Variants in GFOD1 observed in about 807,000 individuals in gnomAD.
GFOD1 encodes glucose-fructose oxidoreductase domain-containing protein 1.
GFOD1 carries 9 observed loss-of-function variants against 25.4 expected under a neutral mutation model. That is an observed-to-expected ratio of 0.35 (90% CI 0.21 to 0.62). The LOEUF is 0.62. Ranked by LOEUF, GFOD1 falls within the 20% of genes least tolerant of loss-of-function variation. The probability of loss-of-function intolerance (pLI) is 0.72; values close to 1 mark genes in which losing one functional copy is unlikely to be tolerated. For synonymous variants in GFOD1, 253 were observed against 245.6 expected, an observed-to-expected ratio of 1.03 and a Z score of -0.28; for missense variants, 403 against 556.9, an observed-to-expected ratio of 0.72 and a Z score of 2.78.
At chr6:13,462,882 G>A (rs1449675106) in intron 1 of GFOD1, among the ~76,000 whole-genome samples, 2 of 152,202 alleles carry the variant, frequency 1.3e-5, no homozygotes, top group East Asian at 3.9e-4. Flanking sequence ...TCGGCTGAGA[G>A]AGTTCTTATC....
At chr6:13,440,097 G>A (rs1205293777) in intron 1 of GFOD1, among the ~76,000 whole-genome samples, 3 of 152,162 alleles carry the variant, frequency 2.0e-5, no homozygotes, top group East Asian at 3.8e-4. Context: ...AATTGTTATA[G>A]GATATCCAAG....
At chr6:13,377,759 G>A (rs1257195316) in intron 1 of GFOD1, among the ~76,000 whole-genome samples, 1 of 152,100 alleles carries the variant, frequency 6.6e-6, no homozygotes, top group Non-Finnish European at 1.5e-5. Flanking sequence ...TGTGTCACCT[G>A]CCTGCAAGCT....
chr6:13,447,101 G>C (rs902789284), intron 1 of GFOD1, among the ~76,000 whole-genome samples: 3 of 150,698 alleles, frequency 2.0e-5, no homozygotes, highest in Admixed American at 1.3e-4. Flanking sequence ...AGTGTCCTAG[G>C]ACTGCTGTAA....
rs1784987042 is a variant in GFOD1 at position 13,363,783 on chromosome 6, T to G, written c.*960A>C. Reference sequence around the variant, plus strand: ...TGAGGCACACAGCTCTCCCCAGTCTTTGGGGGCAGCATATGAGCTTATGGC... The same window carrying G: ...TGAGGCACACAGCTCTCCCCAGTCTGTGGGGGCAGCATATGAGCTTATGGC... On this transcript the variant is annotated 3_prime_UTR_variant, in exon 2 of 2. Coordinates refer to ENST00000379287, the MANE Select transcript of GFOD1 (RefSeq NM_018988.4). 6.6e-6 allele frequency: 1 copy of G among 152,202 alleles called. No homozygotes were observed. The highest frequency in any genetic ancestry group is 2.1e-4 in the South Asian group (1 of 4,812). 9.4% of individuals were successfully genotyped at this position (152,202 alleles called of 1,614,324 possible).
intron 1 of GFOD1, among the ~76,000 whole-genome samples, chr6:13,457,604 C>T (rs1168680480): frequency 3.3e-5 from 5 of 152,222 alleles, no homozygotes; most frequent in African/African-American, 2.4e-5. Context: ...TGTGCCAGAG[C>T]ATGACTGATT....
chr6:13,375,478 G>A (rs999632275), intron 1 of GFOD1, among the ~76,000 whole-genome samples: 2 of 152,146 alleles, frequency 1.3e-5, no homozygotes, highest in East Asian at 1.9e-4. Context: ...AGGGCAATTT[G>A]ATTAAGTTTC....
chr6:13,409,910 G>A (rs1310155317), intron 1 of GFOD1, among the ~76,000 whole-genome samples: 3 of 137,184 alleles, frequency 2.2e-5, no homozygotes, highest in East Asian at 2.1e-4. Context: ...GCGACAGAGC[G>A]GGGCTCCATT....
chr6:13,419,102 G>A (rs1174012208), intron 1 of GFOD1, among the ~76,000 whole-genome samples: 1 of 152,190 alleles, frequency 6.6e-6, no homozygotes, highest in Non-Finnish European at 1.5e-5. Flanking sequence ...GAAGCAGATG[G>A]TTCTTGCTGA....
chr6:13,412,099 G>A (rs892869327), intron 1 of GFOD1, among the ~76,000 whole-genome samples: 5 of 152,244 alleles, frequency 3.3e-5, no homozygotes, highest in African/African-American at 1.2e-4. Flanking sequence ...TATTAGCTAT[G>A]AGGGTTAGAC....
At chr6:13,477,108 C>T (rs1158368998) in intron 1 of GFOD1, among the ~76,000 whole-genome samples, 4 of 152,050 alleles carry the variant, frequency 2.6e-5, no homozygotes, top group Non-Finnish European at 4.4e-5. Context: ...GTTTCTCCAC[C>T]GACGCGTCTT....
chr6:13,411,291 ATTTTC>A (rs1786073268), intron 1 of GFOD1, among the ~76,000 whole-genome samples: 1 of 151,726 alleles, frequency 6.6e-6, no homozygotes, highest in South Asian at 2.1e-4. Flanking sequence ...TCGGCTGTCT[ATTTTC>A]TTTTCTTTTT....
At chr6:13,446,881 C>A (rs1758011694) in intron 1 of GFOD1, among the ~76,000 whole-genome samples, 2 of 152,244 alleles carry the variant, frequency 1.3e-5, no homozygotes, top group Admixed American at 1.3e-4. Context: ...AGTCATTTCT[C>A]TGCCCATCTT....
chr6:13,463,135 G>A (rs1283610031), intron 1 of GFOD1, among the ~76,000 whole-genome samples: 1 of 152,176 alleles, frequency 6.6e-6, no homozygotes, highest in Non-Finnish European at 1.5e-5. Context: ...CACCGCCCAG[G>A]GTACTTAATT....
chr6:13,468,258 T>A lies in GFOD1; in HGVS notation c.253+18380A>T, dbSNP rs140016384. Reference sequence around the variant, plus strand: ...TATACAAATGCTTCTGTGTCCTTTTTCTTTACCTAAAATATAGGAAATTAT... The same window carrying A: ...TATACAAATGCTTCTGTGTCCTTTTACTTTACCTAAAATATAGGAAATTAT... On this transcript the variant is annotated intron_variant, in intron 1 of 1. Coordinates refer to ENST00000379287, the MANE Select transcript of GFOD1 (RefSeq NM_018988.4). Among the ~76,000 whole-genome samples the A allele has an allele frequency of 4.2e-3, 639 of 152,306 alleles. 4 individuals are homozygous for A. Among genetic ancestry groups the A allele is most frequent in the African/African-American group, 0.015 (622 of 41,544 alleles).
chr6:13,483,362 G>A (rs1758796525), intron 1 of GFOD1, among the ~76,000 whole-genome samples: 3 of 152,210 alleles, frequency 2.0e-5, no homozygotes, highest in South Asian at 2.1e-4. Flanking sequence ...ACCCCAGCAG[G>A]GTGGGCTCGC....
chr6:13,391,953 T>C (rs1785622866), intron 1 of GFOD1, among the ~76,000 whole-genome samples: 1 of 152,154 alleles, frequency 6.6e-6, no homozygotes, highest in Non-Finnish European at 1.5e-5. Flanking sequence ...TAGTAGACAG[T>C]TGGTGAACAG....
At chr6:13,470,538 G>A in intron 1 of GFOD1, 1 of 1,548,184 alleles carries the variant, frequency 6.5e-7, no homozygotes, top group Non-Finnish European at 8.7e-7. Flanking sequence ...GGGTGCTGGA[G>A]GGAGCAGAAG....
rs1184044113 is a variant in GFOD1, at chr6:13,430,383, T to C, written c.253+56255A>G. Among the ~76,000 whole-genome samples, 1 of 151,742 alleles carries C rather than the reference T, an allele frequency of 6.6e-6. No homozygotes were observed. The highest frequency in any genetic ancestry group is 1.5e-5 in the Non-Finnish European group (1 of 67,934). ...ACCTGGGAGGCAGAGGTTGCAGTGA[T>C]CCGAGATCACACCACTGCACTCCAG... On this transcript the variant is annotated intron_variant, in intron 1 of 1. Transcript: ENST00000379287. The surrounding 1 kb of genome is among the most constrained non-coding windows in gnomAD (Gnocchi z 4.1).
At chr6:13,402,725 C>T (rs914316002) in intron 1 of GFOD1, among the ~76,000 whole-genome samples, 4 of 152,124 alleles carry the variant, frequency 2.6e-5, no homozygotes, top group Admixed American at 6.6e-5. Flanking sequence ...AAACATTGCT[C>T]GTAAGAATGT....
Sources: allele counts gnomAD v4.1 joint callset (sites outside exome capture counted in the v4.1 genomes callset), GRCh38; gene constraint gnomAD v4.1.1; non-coding constraint Gnocchi (gnomAD v3.1); transcripts MANE v1.5; gene names NCBI Gene and HGNC (gene_info 2026-07-23, HGNC 2026-07-21).